Variants in RFPL1 observed in about 807,000 individuals in gnomAD.
The protein encoded by RFPL1 is ret finger protein like 1.
In RFPL1, 6 loss-of-function variants were observed where a neutral mutation model predicts 9.6. The ratio of observed to expected loss-of-function variants is 0.62; its 90% CI spans 0.34 to 1.23. The LOEUF is 1.23. Among genes scored for constraint, RFPL1 ranks in the 50% most tolerant of loss-of-function variants. RFPL1 has a pLI of 0.03. For missense variants in RFPL1, 352 were observed against 398.4 expected, an observed-to-expected ratio of 0.88 and a Z score of 0.99; for synonymous variants, 145 against 149.4, an observed-to-expected ratio of 0.97 and a Z score of 0.22.
chr22:29,428,149 A>G, the RFPL1 span, among the ~76,000 whole-genome samples: 1 of 152,192 alleles, frequency 6.6e-6, no homozygotes, highest in Non-Finnish European at 1.5e-5. Context: ...CTGTCCCCTA[A>G]GAAACAGGGA....
the RFPL1 span, among the ~76,000 whole-genome samples, chr22:29,430,286 C>T: frequency 6.6e-6 from 1 of 152,114 alleles, no homozygotes; most frequent in Non-Finnish European, 1.5e-5. Flanking sequence ...ATCTCAGCCT[C>T]TCAAGTAGTT....
the RFPL1 span, among the ~76,000 whole-genome samples, chr22:29,389,514 G>A: frequency 3.3e-5 from 5 of 151,058 alleles, no homozygotes; most frequent in Admixed American, 1.3e-4. Context: ...GTGAAACCCC[G>A]TCTCTACTAA....
the RFPL1 span, among the ~76,000 whole-genome samples, chr22:29,410,456 A>C: frequency 5.0e-4 from 49 of 98,380 alleles, no homozygotes; most frequent in East Asian, 2.5e-3. Flanking sequence ...ATATATAGAT[A>C]TATATATCTA....
At chr22:29,389,183 C>A in the RFPL1 span, among the ~76,000 whole-genome samples, 31 of 152,040 alleles carry the variant, frequency 2.0e-4, no homozygotes, top group Non-Finnish European at 3.2e-4. Context: ...CTCTCTCTGT[C>A]CAAACTAGGT....
chr22:29,432,317 A>G, the RFPL1 span, among the ~76,000 whole-genome samples: 1 of 152,090 alleles, frequency 6.6e-6, no homozygotes, highest in African/African-American at 2.4e-5. Flanking sequence ...AGCCCCCTGC[A>G]TTTGTGTCTG....
chr22:29,390,788 G>A, the RFPL1 span, among the ~76,000 whole-genome samples: 17 of 150,540 alleles, frequency 1.1e-4, 1 homozygote, highest in Admixed American at 5.3e-4. Context: ...TAGTAGAGAC[G>A]GGGTTTCACC....
At chr22:29,396,073 TAAGAG>T in the RFPL1 span, among the ~76,000 whole-genome samples, 109 of 151,304 alleles carry the variant, frequency 7.2e-4, no homozygotes, top group Middle Eastern at 3.4e-3. Context: ...GAAGAGAAGA[TAAGAG>T]AAAAGAGAAG....
the RFPL1 span, among the ~76,000 whole-genome samples, chr22:29,405,876 G>A: frequency 6.6e-6 from 1 of 151,864 alleles, no homozygotes; most frequent in South Asian, 2.1e-4. Context: ...TTGGGAGGCC[G>A]AGGCGGGTGG....
chr22:29,395,830 G>A, the RFPL1 span, among the ~76,000 whole-genome samples: 1 of 152,088 alleles, frequency 6.6e-6, no homozygotes, highest in Non-Finnish European at 1.5e-5. Flanking sequence ...AAAATTAGCT[G>A]GGGATGGTGG....
chr22:29,419,660 C>T, the RFPL1 span, among the ~76,000 whole-genome samples: 2 of 151,498 alleles, frequency 1.3e-5, no homozygotes, highest in Non-Finnish European at 2.9e-5. Context: ...AAAATCAGCG[C>T]GATTTTTTGG....
chr22:29,417,373 T>G, the RFPL1 span, among the ~76,000 whole-genome samples: 1 of 151,914 alleles, frequency 6.6e-6, no homozygotes, highest in African/African-American at 2.4e-5. Flanking sequence ...AAGGGCTCTC[T>G]GCAGAGCCCC....
the RFPL1 span, among the ~76,000 whole-genome samples, chr22:29,401,477 A>G: frequency 6.6e-6 from 1 of 152,208 alleles, no homozygotes; most frequent in East Asian, 1.9e-4. Context: ...TTCTCGTCCT[A>G]CATTCTCTGT....
chr22:29,429,431 A>G, the RFPL1 span, among the ~76,000 whole-genome samples: 2 of 152,338 alleles, frequency 1.3e-5, no homozygotes, highest in African/African-American at 4.8e-5. Flanking sequence ...GAAGAAGAAG[A>G]AGAAGACCCA....
chr22:29,408,535 G>A, the RFPL1 span, among the ~76,000 whole-genome samples: 1 of 152,208 alleles, frequency 6.6e-6, no homozygotes, highest in Non-Finnish European at 1.5e-5. Context: ...GTCTGCACAC[G>A]GCGGTGTGGA....
At chr22:29,442,189 T>TTTTACCGAGTAGAGCGTTC in exon 2 of RFPL1, 1 of 1,205,506 alleles carries the variant, frequency 8.3e-7, no homozygotes, top group Non-Finnish European at 1.2e-6. Context: ...TTAGGAACGC[T>TTTTACCGAGTAGAGCGTTC]CTACTCGGTA....
the RFPL1 span, among the ~76,000 whole-genome samples, chr22:29,388,045 G>T: frequency 6.6e-6 from 1 of 152,036 alleles, no homozygotes; most frequent in African/African-American, 2.4e-5. Flanking sequence ...TTTCAACCTT[G>T]GCAAAGAGAT....
chr22:29,441,707 A>G, exon 2 of RFPL1: 1 of 1,613,930 alleles, frequency 6.2e-7, no homozygotes, highest in Non-Finnish European at 8.5e-7. Flanking sequence ...TGTGGCCGCC[A>G]CTACTGGGAG....
the RFPL1 span, among the ~76,000 whole-genome samples, chr22:29,415,276 C>T: frequency 2.0e-5 from 3 of 150,722 alleles, no homozygotes; most frequent in Non-Finnish European, 3.0e-5. Context: ...ACCAAAGTGC[C>T]GATAAAGGCA....
At chr22:29,433,531 AC>A in the RFPL1 span, 1 of 179,960 alleles carries the variant, frequency 5.6e-6, no homozygotes, top group Non-Finnish European at 1.2e-5. Flanking sequence ...CTATATTAAA[AC>A]CCAAGGATGC....
Sources: gnomAD v4.1 joint callset for allele counts (sites outside exome capture counted in the v4.1 genomes callset) on GRCh38, gnomAD v4.1.1 for gene constraint, MANE v1.5 for transcripts, NCBI Gene and HGNC (gene_info 2026-07-23, HGNC 2026-07-21) for gene names.